Variants in FA2H observed in about 807,000 individuals in gnomAD.
The protein encoded by FA2H is fatty acid alpha-hydroxylase.
FA2H carries 22 observed loss-of-function variants against 44.9 expected under a neutral mutation model. The ratio of observed to expected loss-of-function variants is 0.49; its 90% CI spans 0.35 to 0.70. The LOEUF (loss-of-function observed/expected upper bound fraction) is 0.70. Among genes scored for constraint, FA2H ranks in the 30% least tolerant of loss-of-function variants. The probability of loss-of-function intolerance (pLI) is 0.01; values close to 1 mark genes in which losing one functional copy is unlikely to be tolerated. For synonymous variants in FA2H, 243 were observed against 213.2 expected (o/e 1.14, Z -1.22); for missense variants, 501 against 504.9 (o/e 0.99, Z 0.07).
chr16:74,749,503 T>C (rs1180696387), intron 1 of FA2H, among the ~76,000 whole-genome samples: 2 of 152,074 alleles, frequency 1.3e-5, no homozygotes, highest in Non-Finnish European at 2.9e-5. Context: ...CCAGCTCAGG[T>C]GTGTGGAGAA....
At position 74,774,360 on chromosome 16, in the gene FA2H, G is replaced by A; in HGVS notation, c.270+126C>T. On this transcript the variant is annotated intron_variant, in intron 1 of 6. Coordinates refer to ENST00000219368, the MANE Select transcript of FA2H (RefSeq NM_024306.5). ...GTTGCCTGGAGAGAAGAGAGGGAAA[G>A]CGAGGGAAGGGAGGGCAGAAGCTGT... 6.8e-6 allele frequency: 6 copies of A among 882,204 alleles called. 1 individual carries two copies. The highest frequency in any genetic ancestry group is 9.6e-6 in the Non-Finnish European group (6 of 624,766). 54.6% of individuals were successfully genotyped at this position (882,204 alleles called of 1,614,324 possible).
At chr16:74,737,353 A>C (rs1040072767) in intron 2 of FA2H, among the ~76,000 whole-genome samples, 1 of 152,172 alleles carries the variant, frequency 6.6e-6, no homozygotes, top group African/African-American at 2.4e-5. Flanking sequence ...TTCTTGTCCC[A>C]TAAGGAAGCC....
chr16:74,719,185 G>T (rs1961777371), intron 4 of FA2H, 25 bp from the exon 5 acceptor site: 1 of 1,605,650 alleles, frequency 6.2e-7, no homozygotes, highest in African/African-American at 1.3e-5. Context: ...GGAGAGCGAG[G>T]TGAGGACCGG....
At chr16:74,771,468 C>T (rs1365259497) in intron 1 of FA2H, among the ~76,000 whole-genome samples, 2 of 151,802 alleles carry the variant, frequency 1.3e-5, no homozygotes, top group Non-Finnish European at 2.9e-5. Context: ...TGGGAGGGCA[C>T]CACCACACCC....
chr16:74,764,049 TCA>T (rs961861120), intron 1 of FA2H, among the ~76,000 whole-genome samples: 4 of 152,196 alleles, frequency 2.6e-5, no homozygotes, highest in African/African-American at 9.7e-5. Context: ...TTCATATTTC[TCA>T]GTTATAAGCT....
Position 74,740,876 on chromosome 16 carries a change from A to G in FA2H, c.271-761T>C, listed in dbSNP as rs117203203. Among the ~76,000 whole-genome samples, 182 of 152,144 alleles carry G rather than the reference A, an allele frequency of 1.2e-3. 4 individuals carry two copies. In the East Asian group the frequency reaches 0.034, roughly 28 times the overall value. The stretch of plus-strand genomic sequence containing the variant: ...TGGTGGGGCTCACAGGGCCACACTG[A>G]TGAGTCACAGGCTGTGGCTTCTAGG... On this transcript the variant is annotated intron_variant, in intron 1 of 6. Transcript: ENST00000219368.
At chr16:74,722,447 G>A (rs1269315615) in intron 4 of FA2H, among the ~76,000 whole-genome samples, 1 of 151,924 alleles carries the variant, frequency 6.6e-6, no homozygotes, top group Admixed American at 6.6e-5. Flanking sequence ...GAGGCAGGGG[G>A]ATCACTTGAG....
At chr16:74,731,680 A>G (rs1348567000) in intron 2 of FA2H, among the ~76,000 whole-genome samples, 2 of 150,812 alleles carry the variant, frequency 1.3e-5, no homozygotes, top group Admixed American at 6.6e-5. Context: ...GCCACCACAC[A>G]TGGCTGCTAT....
chr16:74,765,184 C>G (rs1467105645), intron 1 of FA2H, among the ~76,000 whole-genome samples: 2 of 148,332 alleles, frequency 1.3e-5, no homozygotes, highest in Non-Finnish European at 3.0e-5. Flanking sequence ...GATACAAAGT[C>G]TCGCTCTTGT....
Position 74,718,923 on chromosome 16 carries a change from G to C in FA2H, c.786+65C>G, listed in dbSNP as rs111306468. ...GAGGCTCCGCAGCACCTGAAGCTGCGGCTGGCTGCCGGGCCCTCTCGGGCT... is the reference window on the plus strand; with the variant it reads ...GAGGCTCCGCAGCACCTGAAGCTGCCGCTGGCTGCCGGGCCCTCTCGGGCT... On this transcript the variant is annotated intron_variant, in intron 5 of 6. Transcript: ENST00000219368. 1,131 of 1,581,148 alleles carry C rather than the reference G, an allele frequency of 7.2e-4. 5 individuals carry two copies. In the African/African-American group the frequency reaches 0.013, roughly 18 times the overall value.
intron 2 of FA2H, among the ~76,000 whole-genome samples, chr16:74,734,578 T>C (rs1370698151): frequency 6.6e-6 from 1 of 152,166 alleles, no homozygotes; most frequent in Non-Finnish European, 1.5e-5. Context: ...ATGCCAGGAA[T>C]GTGGCCCACA....
intron 1 of FA2H, among the ~76,000 whole-genome samples, chr16:74,766,203 G>T (rs1354049760): frequency 6.6e-6 from 1 of 152,066 alleles, no homozygotes; most frequent in African/African-American, 2.4e-5. Context: ...GGATGCTGAG[G>T]CAGGAGAATC....
intron 3 of FA2H, 32 bp downstream of exon 3, chr16:74,727,212 A>T (rs748854992): frequency 1.2e-5 from 20 of 1,613,526 alleles, no homozygotes; most frequent in Admixed American, 6.7e-5. Context: ...GAAGAGAGGG[A>T]CAGCCTGCCA....
intron 1 of FA2H, among the ~76,000 whole-genome samples, chr16:74,758,755 C>T (rs1306444774): frequency 6.6e-6 from 1 of 152,138 alleles, no homozygotes; most frequent in African/African-American, 2.4e-5. Flanking sequence ...GCAAGAACCC[C>T]ATCTCTACAA....
intron 6 of FA2H, among the ~76,000 whole-genome samples, chr16:74,716,095 C>T (rs1425482013): frequency 2.0e-5 from 3 of 152,172 alleles, no homozygotes; most frequent in Non-Finnish European, 2.9e-5. Context: ...GCTGGGATTA[C>T]AGGTGTGAGC....
At chr16:74,718,414 G>A (rs1030124294) in intron 5 of FA2H, among the ~76,000 whole-genome samples, 7 of 152,124 alleles carry the variant, frequency 4.6e-5, no homozygotes, top group Non-Finnish European at 1.0e-4. Flanking sequence ...ATCTTCTCGG[G>A]CCAGCTTCTG....
At chr16:74,761,192 C>T (rs1039098889) in intron 1 of FA2H, among the ~76,000 whole-genome samples, 4 of 152,152 alleles carry the variant, frequency 2.6e-5, no homozygotes, top group East Asian at 1.9e-4. Context: ...TGGTTCATGC[C>T]TGTAATCCCA....
At chr16:74,774,028 A>G (rs1387567668) in intron 1 of FA2H, among the ~76,000 whole-genome samples, 1 of 152,182 alleles carries the variant, frequency 6.6e-6, no homozygotes, top group Non-Finnish European at 1.5e-5. Context: ...TCTTTGAAGC[A>G]GAAGTGAGGT....
intron 2 of FA2H, 34 bp downstream of exon 2, chr16:74,739,989 C>G: frequency 6.6e-7 from 1 of 1,505,276 alleles, no homozygotes; most frequent in Non-Finnish European, 9.3e-7. Context: ...CGCCAGCCCC[C>G]AGTCATCACC....
Sources: gnomAD v4.1 joint callset for allele counts (sites outside exome capture counted in the v4.1 genomes callset) on GRCh38, gnomAD v4.1.1 for gene constraint, MANE v1.5 for transcripts, NCBI Gene and HGNC (gene_info 2026-07-23, HGNC 2026-07-21) for gene names.